PRELID2: variants seen among roughly 807,000 people sequenced by gnomAD.
The protein encoded by PRELID2 is PRELI domain-containing protein 2.
PRELID2 carries 25 observed loss-of-function variants against 28.4 expected under a neutral mutation model. That is an observed-to-expected ratio of 0.88 (90% confidence interval 0.64 to 1.23). The LOEUF is 1.23. PRELID2 is among the 50% of genes most tolerant of loss of function. The pLI is 0.00. For synonymous variants in PRELID2, 76 were observed against 71.6 expected (o/e 1.06, Z -0.31); for missense variants, 201 against 214.4 (o/e 0.94, Z 0.39).
chr5:145,254,845 T>G, the PRELID2 span, among the ~76,000 whole-genome samples: 8 of 152,044 alleles, frequency 5.3e-5, no homozygotes, highest in African/African-American at 1.9e-4. Context: ...GCATAGGTCT[T>G]GTTAAAGTCT....
At chr5:145,659,793 TG>T (rs1229597593) in intron 1 of PRELID2, among the ~76,000 whole-genome samples, 1 of 152,240 alleles carries the variant, frequency 6.6e-6, no homozygotes, top group Non-Finnish European at 1.5e-5. Context: ...ACATTTTTAC[TG>T]TTATGAATAG....
At chr5:145,401,973 G>A in the PRELID2 span, among the ~76,000 whole-genome samples, 7 of 151,982 alleles carry the variant, frequency 4.6e-5, no homozygotes, top group East Asian at 3.9e-4. Flanking sequence ...ACCCACCCCC[G>A]TTGCTTCTAA....
At chr5:145,631,001 A>C (rs1256241504) in intron 1 of PRELID2, among the ~76,000 whole-genome samples, 1 of 152,222 alleles carries the variant, frequency 6.6e-6, no homozygotes, top group Non-Finnish European at 1.5e-5. Context: ...AACTTTCCTC[A>C]TATGTGAAAT....
At chr5:145,276,202 C>A in the PRELID2 span, among the ~76,000 whole-genome samples, 2 of 152,042 alleles carry the variant, frequency 1.3e-5, no homozygotes. Flanking sequence ...TTTAAAAGAC[C>A]TTTTAAGCAA....
chr5:145,447,483 T>A, the PRELID2 span, among the ~76,000 whole-genome samples: 40 of 131,006 alleles, frequency 3.1e-4, no homozygotes, highest in Admixed American at 1.5e-3. Context: ...TTTTTTTTTT[T>A]ATTATACTTT....
At chr5:145,415,253 T>A in the PRELID2 span, among the ~76,000 whole-genome samples, 1 of 152,054 alleles carries the variant, frequency 6.6e-6, no homozygotes, top group African/African-American at 2.4e-5. Flanking sequence ...TGGTTTTGTT[T>A]TGTTTTTTAT....
At chr5:145,532,039 G>T (rs1223686531) in intron 1 of PRELID2, among the ~76,000 whole-genome samples, 1 of 152,100 alleles carries the variant, frequency 6.6e-6, no homozygotes, top group Non-Finnish European at 1.5e-5. Flanking sequence ...GCAGTATAAT[G>T]TCTGGCTTGT....
intron 1 of PRELID2, among the ~76,000 whole-genome samples, chr5:145,645,605 G>A (rs1245842826): frequency 6.6e-6 from 1 of 151,996 alleles, no homozygotes; most frequent in Non-Finnish European, 1.5e-5. Context: ...TTGCCCGTTA[G>A]TTGATGCAGT....
chr5:145,659,514 G>T (rs962055778), intron 1 of PRELID2, among the ~76,000 whole-genome samples: 5 of 152,248 alleles, frequency 3.3e-5, no homozygotes, highest in African/African-American at 1.2e-4. Flanking sequence ...CAGCTGGAAA[G>T]TTGGAATATT....
intron 1 of PRELID2, among the ~76,000 whole-genome samples, chr5:145,665,700 C>T (rs186185580): frequency 1.3e-5 from 2 of 152,194 alleles, no homozygotes; most frequent in East Asian, 3.9e-4. Context: ...GTCCTGGTCA[C>T]CCCAAATTTC....
chr5:145,390,286 T>C, the PRELID2 span, among the ~76,000 whole-genome samples: 1 of 152,222 alleles, frequency 6.6e-6, no homozygotes, highest in Non-Finnish European at 1.5e-5. Flanking sequence ...TAGTCCATTC[T>C]CACTCTTCTA....
At chr5:145,333,412 G>A in the PRELID2 span, among the ~76,000 whole-genome samples, 1 of 152,210 alleles carries the variant, frequency 6.6e-6, no homozygotes, top group African/African-American at 2.4e-5. Flanking sequence ...AAAGATGGGA[G>A]TTTTATCTAT....
intron 1 of PRELID2, among the ~76,000 whole-genome samples, chr5:145,643,963 C>T (rs986429308): frequency 6.6e-6 from 1 of 151,962 alleles, no homozygotes; most frequent in Non-Finnish European, 1.5e-5. Flanking sequence ...GTGATATTGG[C>T]CTGAAATTTT....
chr5:145,758,502 C>T lies in PRELID2; in HGVS notation c.*2034G>A, dbSNP rs1435281399. On this transcript the variant is annotated 3_prime_UTR_variant, in exon 7 of 7. Transcript: ENST00000683046. ...TTTTTGGTCTGAGAAGCAACCCAGG[C>T]ATCAGAATTGCAGAAAGCTCCCCAA... is the stretch of plus-strand genomic sequence containing the variant. Among the ~76,000 whole-genome samples, 2 of 152,092 alleles carry T rather than the reference C, an allele frequency of 1.3e-5. No individual in the cohort carries two copies. The highest frequency in any genetic ancestry group is 2.9e-5 in the Non-Finnish European group (2 of 68,020).
chr5:145,293,385 AAG>A, the PRELID2 span, among the ~76,000 whole-genome samples: 2 of 152,176 alleles, frequency 1.3e-5, no homozygotes, highest in Non-Finnish European at 2.9e-5. Context: ...GCCTAATGTG[AAG>A]TACTTGGCAT....
At chr5:145,741,052 A>G (rs1756702594) in intron 1 of PRELID2, among the ~76,000 whole-genome samples, 1 of 118,222 alleles carries the variant, frequency 8.5e-6, no homozygotes, top group African/African-American at 3.4e-5. Context: ...ATACAAATAA[A>G]ATATGTATAT....
intron 1 of PRELID2, among the ~76,000 whole-genome samples, chr5:145,566,273 C>T (rs1055891022): frequency 1.3e-5 from 2 of 152,124 alleles, no homozygotes; most frequent in Non-Finnish European, 2.9e-5. Context: ...TCTTTACAAA[C>T]CAAAACCCAT....
At chr5:145,678,575 A>G (rs115009643) in intron 1 of PRELID2, among the ~76,000 whole-genome samples, 206 of 152,264 alleles carry the variant, frequency 1.4e-3, no homozygotes, top group African/African-American at 4.8e-3. Flanking sequence ...AACCAGACCA[A>G]CTTATTATGA....
intron 1 of PRELID2, among the ~76,000 whole-genome samples, chr5:145,669,172 T>G (rs1381499395): frequency 6.6e-6 from 1 of 152,076 alleles, no homozygotes; most frequent in Non-Finnish European, 1.5e-5. Flanking sequence ...GGCAGGATGA[T>G]GCTGAAAAAA....
Sources: allele counts gnomAD v4.1 joint callset (sites outside exome capture counted in the v4.1 genomes callset), GRCh38; gene constraint gnomAD v4.1.1; transcripts MANE v1.5; gene names NCBI Gene and HGNC (gene_info 2026-07-23, HGNC 2026-07-21).